DAP3: variants seen among roughly 807,000 people sequenced by gnomAD.
DAP3 encodes the protein small ribosomal subunit protein mS29.
Under a neutral mutation model 51.9 loss-of-function variants are expected in DAP3, and 28 were observed. That is an observed-to-expected ratio of 0.54 (90% CI 0.40 to 0.74). DAP3 has a LOEUF of 0.74. Among genes scored for constraint, DAP3 ranks in the 30% least tolerant of loss-of-function variants. The probability of loss-of-function intolerance (pLI) is 0.00; values close to 1 mark genes in which losing one functional copy is unlikely to be tolerated. For synonymous variants in DAP3, 170 were observed against 170.3 expected (o/e 1.00, Z 0.01); for missense variants, 458 against 483.5 (o/e 0.95, Z 0.49).
At chr1:155,735,437 C>A (rs552362440) in intron 11 of DAP3, among the ~76,000 whole-genome samples, 1 of 151,416 alleles carries the variant, frequency 6.6e-6, no homozygotes, top group Admixed American at 6.6e-5. Context: ...ATTAGCTGGG[C>A]ATGGTGGTGC....
intron 1 of DAP3, among the ~76,000 whole-genome samples, chr1:155,706,581 A>G (rs537374319): frequency 6.6e-6 from 1 of 152,114 alleles, no homozygotes; most frequent in East Asian, 1.9e-4. Context: ...AGCCTGGCCA[A>G]CATGGTGAAA....
intron 5 of DAP3, 65 bp from the exon 6 acceptor site, chr1:155,725,862 C>T: frequency 1.3e-6 from 2 of 1,499,720 alleles, no homozygotes. Flanking sequence ...CAAAACAAAG[C>T]ATAACTACTG....
chr1:155,721,676 A>G (rs766059499), intron 4 of DAP3, 58 bp downstream of exon 4: 2 of 1,537,818 alleles, frequency 1.3e-6, no homozygotes, highest in Admixed American at 1.7e-5. Flanking sequence ...GCTGCTAGCA[A>G]AGGGGTGGGG....
In DAP3 at chr1:155,693,675, A is replaced by G. The variant is rs914961935; in HGVS notation, c.-8+4501A>G. Among the ~76,000 whole-genome samples, 7 of 142,080 alleles carry G rather than the reference A, an allele frequency of 4.9e-5. 2 individuals are homozygous for G. The highest frequency in any genetic ancestry group is 3.2e-3 in the Middle Eastern group (1 of 316). 93.2% of individuals were successfully genotyped at this position (142,080 alleles called of 152,430 possible). On this transcript the variant is annotated intron_variant, in intron 1 of 12. Transcript: ENST00000368336. ...GTACCACAGCGTGATCAGAGATGCA[A>G]TCCTGGCCGGGAGTGGTGGCTCACG...
rs1658973618 is a variant in DAP3, at chr1:155,729,506, G to A, written c.843+140G>A. On this transcript the variant is annotated intron_variant, in intron 9 of 12. Coordinates refer to ENST00000368336, the MANE Select transcript of DAP3 (RefSeq NM_004632.4). ...GAAGATAAACAGTAAAGAGCTGGGT[G>A]CAGTGGCTCACGCCTGTAATCCCAT... 1.7e-6 allele frequency: 2 copies of A among 1,200,674 alleles called. 1 individual carries two copies. The highest frequency in any genetic ancestry group is 2.3e-6 in the Non-Finnish European group (2 of 874,440). The allele number at this position is 1,200,674 out of a possible 1,614,324, so 74.4% of individuals were successfully genotyped here.
chr1:155,724,807 T>C (rs1557790090), intron 4 of DAP3, among the ~76,000 whole-genome samples: 1 of 150,866 alleles, frequency 6.6e-6, no homozygotes, highest in Non-Finnish European at 1.5e-5. Context: ...AAATACAAAA[T>C]AGCCGGGCAT....
intron 1 of DAP3, among the ~76,000 whole-genome samples, chr1:155,699,084 C>G (rs578039573): frequency 6.6e-6 from 1 of 152,220 alleles, no homozygotes; most frequent in East Asian, 1.9e-4. Context: ...AGCCAGGGGG[C>G]CAGTTGCAAA....
chr1:155,699,124 G>T (rs1338477270), intron 1 of DAP3, among the ~76,000 whole-genome samples: 4 of 152,134 alleles, frequency 2.6e-5, no homozygotes, highest in Non-Finnish European at 5.9e-5. Flanking sequence ...CAGAGTTCTG[G>T]TCTCTACACT....
chr1:155,733,285 C>T (rs1019276863), intron 11 of DAP3, among the ~76,000 whole-genome samples: 4 of 152,138 alleles, frequency 2.6e-5, no homozygotes, highest in African/African-American at 9.7e-5. Context: ...AGGTGTTGTC[C>T]ATCTGGTTTC....
chr1:155,724,829 C>T (rs1464042213), intron 4 of DAP3, among the ~76,000 whole-genome samples: 1 of 151,804 alleles, frequency 6.6e-6, no homozygotes, highest in East Asian at 1.9e-4. Flanking sequence ...GTGGTGGGTG[C>T]CTGTAATCCC....
intron 11 of DAP3, among the ~76,000 whole-genome samples, chr1:155,734,628 A>C (rs533956279): frequency 2.6e-5 from 4 of 152,312 alleles, no homozygotes; most frequent in African/African-American, 9.6e-5. Context: ...CCAAGGCCTG[A>C]GTCCTAGGTA....
intron 9 of DAP3, among the ~76,000 whole-genome samples, chr1:155,729,591 G>A (rs1282752654): frequency 6.6e-6 from 1 of 152,028 alleles, no homozygotes; most frequent in African/African-American, 2.4e-5. Flanking sequence ...ACTAGGATGG[G>A]CACTATAGCA....
chr1:155,700,249 T>C (rs897073081), intron 1 of DAP3, among the ~76,000 whole-genome samples: 3 of 152,358 alleles, frequency 2.0e-5, no homozygotes, highest in Admixed American at 2.0e-4. Flanking sequence ...GTTGACTTTA[T>C]TGTTAAGTTG....
chr1:155,706,462 C>T (rs1655980354), intron 1 of DAP3, among the ~76,000 whole-genome samples: 1 of 152,264 alleles, frequency 6.6e-6, no homozygotes, highest in Admixed American at 6.5e-5. Flanking sequence ...ATTATTGTTG[C>T]TTTAAAGATT....
At chr1:155,703,908 G>C (rs994667061) in intron 1 of DAP3, among the ~76,000 whole-genome samples, 1 of 152,204 alleles carries the variant, frequency 6.6e-6, no homozygotes, top group Non-Finnish European at 1.5e-5. Context: ...AGCACTTTGC[G>C]AGGCTAGGGC....
intron 1 of DAP3, among the ~76,000 whole-genome samples, chr1:155,706,820 T>C (rs2149138033): frequency 6.6e-6 from 1 of 151,150 alleles, no homozygotes; most frequent in South Asian, 2.1e-4. Flanking sequence ...GGGCCGGGTG[T>C]GGTAATTCAC....
chr1:155,728,953 A>G, intron 7 of DAP3, 89 bp from the exon 8 acceptor site: 1 of 1,273,334 alleles, frequency 7.9e-7, no homozygotes, highest in East Asian at 2.3e-5. Context: ...ACTCCTGTTA[A>G]CCTTAGCCTC....
intron 1 of DAP3, chr1:155,689,389 C>G: frequency 2.0e-6 from 1 of 492,390 alleles, no homozygotes; most frequent in Non-Finnish European, 4.0e-6. Flanking sequence ...GAATTTCACA[C>G]CACTGTCCAT....
intron 1 of DAP3, among the ~76,000 whole-genome samples, chr1:155,700,987 C>A (rs1244265273): frequency 9.1e-6 from 1 of 109,846 alleles, no homozygotes; most frequent in Non-Finnish European, 1.8e-5. Context: ...CCAGCCGCCC[C>A]GTCCGGGAGG....
Sources: allele counts gnomAD v4.1 joint callset (sites outside exome capture counted in the v4.1 genomes callset), GRCh38; gene constraint gnomAD v4.1.1; transcripts MANE v1.5; gene names NCBI Gene and HGNC (gene_info 2026-07-23, HGNC 2026-07-21).